SI: variants seen among roughly 807,000 people sequenced by gnomAD.
SI encodes sucrase-isomaltase.
In SI, 235 loss-of-function variants were observed where a neutral mutation model predicts 253.3. The observed-to-expected ratio is 0.93, with a 90% CI of 0.83 to 1.03. The LOEUF is 1.03. SI is among the 50% of genes least tolerant of loss of function. The probability of loss-of-function intolerance (pLI) is 0.00; values close to 1 mark genes in which losing one functional copy is unlikely to be tolerated. For missense variants in SI, 2,442 were observed against 2,211.1 expected, an observed-to-expected ratio of 1.10 and a Z score of -2.09; for synonymous variants, 819 against 712.0, an observed-to-expected ratio of 1.15 and a Z score of -2.39.
chr3:165,044,240 G>A (rs1425986918), intron 16 of SI, among the ~76,000 whole-genome samples: 1 of 151,714 alleles, frequency 6.6e-6, no homozygotes, highest in African/African-American at 2.4e-5. Context: ...TTTGGATAGG[G>A]GTTACTCACC....
At chr3:165,011,730 CATTTATT>C (rs1456114927) in intron 34 of SI, among the ~76,000 whole-genome samples, 1 of 145,336 alleles carries the variant, frequency 6.9e-6, no homozygotes, top group African/African-American at 2.5e-5. Flanking sequence ...TATGTATTAT[CATTTATT>C]ATTTATTTAT....
chr3:165,025,410 A>C (rs1234178537), intron 25 of SI, among the ~76,000 whole-genome samples: 1 of 151,192 alleles, frequency 6.6e-6, no homozygotes. Context: ...AAATCTAAAA[A>C]TTTGGAAAAC....
At chr3:165,002,742 C>T (rs552259521) in intron 37 of SI, among the ~76,000 whole-genome samples, 20 of 151,290 alleles carry the variant, frequency 1.3e-4, no homozygotes, top group African/African-American at 4.6e-4. Flanking sequence ...TAAAATTTTC[C>T]GAGTTCAGCA....
intron 44 of SI, among the ~76,000 whole-genome samples, chr3:164,988,301 A>G (rs2108118985): frequency 6.6e-6 from 1 of 152,268 alleles, no homozygotes; most frequent in East Asian, 1.9e-4. Context: ...ATATTAACAT[A>G]CCTTACCATG....
At position 164,994,339 on chromosome 3, in the gene SI, A is replaced by G. The variant is rs1559980777; in HGVS notation, c.4759T>C (p.Tyr1587His). 1 of 1,611,070 alleles carries G rather than the reference A, an allele frequency of 6.2e-7. No individual in the cohort carries two copies. The highest frequency in any genetic ancestry group is 1.1e-5 in the South Asian group (1 of 91,052). Residue 1587 changes from tyrosine (Y) to histidine (H), a missense_variant, in exon 41 of 48, where the codon TAC becomes CAC. Transcript: ENST00000264382. ...GTGTAAAAATAGGGCAATAAGGTGT[A>G]TCTAATATTTAGAATATTCCTTGAC... Reference protein sequence around the residue: ...EMSRNILNIRYTLLPYFYTQM... With the variant: ...EMSRNILNIRHTLLPYFYTQM...
chr3:165,011,150 C>G (rs1303699421), intron 34 of SI, among the ~76,000 whole-genome samples: 1 of 151,652 alleles, frequency 6.6e-6, no homozygotes, highest in Non-Finnish European at 1.5e-5. Context: ...ATTTTCTTCC[C>G]TCTACTAACT....
At chr3:165,036,327 A>G in intron 22 of SI, 62 bp downstream of exon 22, 1 of 1,120,856 alleles carries the variant, frequency 8.9e-7, no homozygotes, top group Non-Finnish European at 1.4e-6. Context: ...AACCTATATC[A>G]ATAAAGCCAA....
chr3:165,062,320 A>G, intron 9 of SI, 51 bp downstream of exon 9: 1 of 876,688 alleles, frequency 1.1e-6, no homozygotes. Context: ...GTCATGTTAG[A>G]TGAAATAAAA....
intron 34 of SI, among the ~76,000 whole-genome samples, chr3:165,011,519 T>C (rs2108163668): frequency 6.6e-6 from 1 of 152,186 alleles, no homozygotes; most frequent in South Asian, 2.1e-4. Flanking sequence ...GTCTTGTGAC[T>C]TAACATGTGA....
At chr3:165,067,795 A>C (rs953148525) in intron 5 of SI, among the ~76,000 whole-genome samples, 6 of 151,928 alleles carry the variant, frequency 3.9e-5, no homozygotes, top group Admixed American at 2.6e-4. Flanking sequence ...AGAATATTAG[A>C]CCTTTGTGAA....
chr3:165,003,914 C>A (rs1263045523), intron 37 of SI, among the ~76,000 whole-genome samples: 1 of 151,844 alleles, frequency 6.6e-6, no homozygotes, highest in African/African-American at 2.4e-5. Flanking sequence ...AACTAGAAAA[C>A]AAATAACAAA....
At position 165,067,478 on chromosome 3, in the gene SI, T is replaced by C. The variant is rs749062548; in HGVS notation, c.497A>G (p.Asn166Ser). ...ATGAGGAACTTCATATCTTCTATTATTTGGATCAGTAATCTGGAAAGATTT... is the reference window on the plus strand; with the variant it reads ...ATGAGGAACTTCATATCTTCTATTACTTGGATCAGTAATCTGGAAAGATTT... ...NRFRFKITDP[N>S]NRRYEVPHQY... Residue 166 changes from asparagine to serine, a missense_variant, in exon 6 of 48, where the codon AAT becomes AGT. Physicochemically the swap from Asn to Ser is conservative, Grantham distance 46 (BLOSUM62 1). Coordinates refer to ENST00000264382, the MANE Select transcript of SI (RefSeq NM_001041.4). The C allele has an allele frequency of 6.2e-7, 1 of 1,609,584 alleles. No individual in the cohort carries two copies. The highest frequency in any genetic ancestry group is 1.1e-5 in the South Asian group (1 of 90,970).
intron 35 of SI, among the ~76,000 whole-genome samples, chr3:165,008,848 AT>A (rs922575851): frequency 4.0e-5 from 6 of 151,864 alleles, no homozygotes; most frequent in Admixed American, 2.6e-4. Context: ...ATCTAAAAAA[AT>A]ATATTATTAA....
intron 34 of SI, 28 bp downstream of exon 34, chr3:165,012,952 T>G (rs371939039): frequency 7.2e-7 from 1 of 1,389,922 alleles, no homozygotes; most frequent in Admixed American, 1.7e-5. Flanking sequence ...TTTCTTCTCA[T>G]TGTATAGTTA....
At chr3:164,988,620 T>C (rs774598984) in intron 44 of SI, among the ~76,000 whole-genome samples, 74 of 152,066 alleles carry the variant, frequency 4.9e-4, no homozygotes, top group Non-Finnish European at 8.2e-4. Flanking sequence ...TCCAGTAGAT[T>C]AGAAGATTCT....
At chr3:165,059,333 T>C (rs761698107) in intron 10 of SI, 34 bp from the exon 11 acceptor site, 2 of 1,601,994 alleles carry the variant, frequency 1.2e-6, no homozygotes, top group Non-Finnish European at 1.7e-6. Context: ...CAATACATAG[T>C]ACTGAAAGAG....
chr3:165,032,291 G>A (rs890830095), intron 24 of SI, among the ~76,000 whole-genome samples: 2 of 150,966 alleles, frequency 1.3e-5, no homozygotes, highest in African/African-American at 4.8e-5. Flanking sequence ...AATATATAGA[G>A]AGAAATAGCA....
At chr3:165,029,259 T>C (rs1295012627) in intron 25 of SI, among the ~76,000 whole-genome samples, 2 of 150,024 alleles carry the variant, frequency 1.3e-5, no homozygotes, top group African/African-American at 4.9e-5. Flanking sequence ...AGAATGGCCA[T>C]AATCAAAAAA....
intron 22 of SI, among the ~76,000 whole-genome samples, 185 bp downstream of exon 22, chr3:165,036,204 T>A (rs1207989279): frequency 1.3e-5 from 2 of 151,868 alleles, no homozygotes; most frequent in Non-Finnish European, 2.9e-5. Context: ...TTTAGTTACA[T>A]ATAGATAAAG....
Sources: gnomAD v4.1 joint callset for allele counts (sites outside exome capture counted in the v4.1 genomes callset) on GRCh38, gnomAD v4.1.1 for gene constraint, MANE v1.5 for transcripts, NCBI Gene and HGNC (gene_info 2026-07-23, HGNC 2026-07-21) for gene names.